Variants in PRR16 observed in about 807,000 individuals in gnomAD.
The protein encoded by PRR16 is proline rich 16, also known as protein Largen.
Under a neutral mutation model 18.2 loss-of-function variants are expected in PRR16, and 6 were observed. The observed-to-expected ratio is 0.33, with a 90% CI of 0.18 to 0.65. The LOEUF is 0.65. PRR16 is among the 30% of genes least tolerant of loss of function. PRR16 has a pLI of 0.74. For missense variants in PRR16, 412 were observed against 376.6 expected (o/e 1.09, Z -0.78); for synonymous variants, 151 against 147.8 (o/e 1.02, Z -0.16).
chr5:120,735,849 T>C, the PRR16 span, among the ~76,000 whole-genome samples: 1 of 152,220 alleles, frequency 6.6e-6, no homozygotes, highest in African/African-American at 2.4e-5. Flanking sequence ...TTGTGTATTT[T>C]TGCTTTCATT....
At chr5:120,744,543 G>A in the PRR16 span, among the ~76,000 whole-genome samples, 15,790 of 152,126 alleles carry the variant, frequency 0.1, 1,037 homozygotes, top group African/African-American at 0.18. Context: ...ATCAATAGAG[G>A]ACAGCCAGAT....
intron 1 of PRR16, among the ~76,000 whole-genome samples, chr5:120,671,307 T>G (rs939756614): frequency 1.3e-5 from 2 of 152,126 alleles, no homozygotes; most frequent in Non-Finnish European, 1.5e-5. Flanking sequence ...TTAAAAAAAT[T>G]GCAAAGTACA....
chr5:120,741,947 G>GT, the PRR16 span, among the ~76,000 whole-genome samples: 3 of 151,910 alleles, frequency 2.0e-5, no homozygotes, highest in African/African-American at 4.8e-5. Context: ...GTTCTATTCT[G>GT]TTTTTTTGCC....
the PRR16 span, among the ~76,000 whole-genome samples, chr5:120,765,426 A>C: frequency 2.0e-5 from 3 of 152,074 alleles, no homozygotes; most frequent in South Asian, 6.2e-4. Flanking sequence ...CAGCTTAAGC[A>C]GATTGCATCA....
intron 1 of PRR16, among the ~76,000 whole-genome samples, chr5:120,529,745 A>C (rs1751483943): frequency 6.6e-6 from 1 of 152,142 alleles, no homozygotes; most frequent in South Asian, 2.1e-4. Flanking sequence ...CTGTGAGTCT[A>C]AGGATTTAAG....
chr5:120,735,804 C>T, the PRR16 span, among the ~76,000 whole-genome samples: 1 of 152,016 alleles, frequency 6.6e-6, no homozygotes, highest in Non-Finnish European at 1.5e-5. Context: ...ACTGTTATTG[C>T]TATGCAGAAG....
At chr5:120,552,044 A>G (rs1162389726) in intron 1 of PRR16, among the ~76,000 whole-genome samples, 6 of 151,956 alleles carry the variant, frequency 3.9e-5, no homozygotes, top group Non-Finnish European at 7.4e-5. Flanking sequence ...TCAGATCCCA[A>G]TTCACAATCC....
chr5:120,768,286 TA>T, the PRR16 span, among the ~76,000 whole-genome samples: 1 of 151,900 alleles, frequency 6.6e-6, no homozygotes, highest in Non-Finnish European at 1.5e-5. Flanking sequence ...AATTCTAGAA[TA>T]TTTTTTAAAG....
chr5:120,785,871 G>C, the PRR16 span, among the ~76,000 whole-genome samples: 1 of 151,490 alleles, frequency 6.6e-6, no homozygotes, highest in East Asian at 1.9e-4. Context: ...GCCTGGCCTA[G>C]AAGTCTCTTA....
At chr5:120,484,412 C>A (rs1749721850) in intron 1 of PRR16, among the ~76,000 whole-genome samples, 1 of 141,602 alleles carries the variant, frequency 7.1e-6, no homozygotes, top group Admixed American at 7.2e-5. Flanking sequence ...AGAATATATA[C>A]CAATTCTTAT....
intron 1 of PRR16, among the ~76,000 whole-genome samples, chr5:120,567,430 TAGTC>T (rs1485014036): frequency 8.5e-5 from 13 of 152,156 alleles, no homozygotes; most frequent in African/African-American, 1.7e-4. Flanking sequence ...TCATATGAAA[TAGTC>T]AGAGTACACA....
intron 1 of PRR16, among the ~76,000 whole-genome samples, chr5:120,643,545 A>G (rs1275351739): frequency 6.6e-6 from 1 of 152,186 alleles, no homozygotes; most frequent in Non-Finnish European, 1.5e-5. Flanking sequence ...TCTAAAGTAT[A>G]GAGTTTATCT....
At chr5:120,578,640 T>C (rs1369294574) in intron 1 of PRR16, among the ~76,000 whole-genome samples, 6 of 152,218 alleles carry the variant, frequency 3.9e-5, no homozygotes, top group Non-Finnish European at 8.8e-5. Context: ...CTTTATCCAG[T>C]CTATCATTGA....
chr5:120,777,796 C>T, the PRR16 span, among the ~76,000 whole-genome samples: 1 of 152,020 alleles, frequency 6.6e-6, no homozygotes, highest in Non-Finnish European at 1.5e-5. Context: ...AAAGTCAGTG[C>T]TGATTGATAA....
chr5:120,634,968 T>A (rs942328101), intron 1 of PRR16, among the ~76,000 whole-genome samples: 5 of 152,060 alleles, frequency 3.3e-5, no homozygotes, highest in African/African-American at 1.2e-4. Flanking sequence ...CAAAAAAATA[T>A]GCAAGGCTAC....
chr5:120,701,915 T>G, the PRR16 span, among the ~76,000 whole-genome samples: 229 of 152,250 alleles, frequency 1.5e-3, 1 homozygote, highest in Middle Eastern at 0.017. Context: ...TTCTGGCTAT[T>G]TGGAACGACT....
intron 1 of PRR16, among the ~76,000 whole-genome samples, chr5:120,626,167 T>C (rs958063735): frequency 6.6e-6 from 1 of 152,094 alleles, no homozygotes; most frequent in Admixed American, 6.6e-5. Context: ...GGTTGTGATG[T>C]CCATAAATAC....
At chr5:120,530,254 A>AT (rs1751500371) in intron 1 of PRR16, among the ~76,000 whole-genome samples, 1 of 106,732 alleles carries the variant, frequency 9.4e-6, no homozygotes, top group Non-Finnish European at 1.8e-5. Flanking sequence ...AGTGTGTGTA[A>AT]ATATATATAT....
chr5:120,625,287 C>A (rs918784270), intron 1 of PRR16, among the ~76,000 whole-genome samples: 3 of 152,084 alleles, frequency 2.0e-5, no homozygotes, highest in Non-Finnish European at 4.4e-5. Context: ...TTCTTCCCCA[C>A]CAATGACTGT....
Sources: allele counts gnomAD v4.1 joint callset (sites outside exome capture counted in the v4.1 genomes callset), GRCh38; gene constraint gnomAD v4.1.1; transcripts MANE v1.5; gene names NCBI Gene and HGNC (gene_info 2026-07-23, HGNC 2026-07-21).